The following FOXD4 variants were observed in gnomAD, a reference collection of about 807,000 sequenced individuals.
FOXD4 encodes forkhead box D4, also known as forkhead box protein D4.
In FOXD4, 22 loss-of-function variants were observed where a neutral mutation model predicts 26.5. The observed-to-expected ratio is 0.83, with a 90% CI of 0.59 to 1.18. The LOEUF is 1.18. Ranked by LOEUF, FOXD4 falls within the 50% of genes most tolerant of loss-of-function variation. FOXD4 has a pLI of 0.00. For missense variants in FOXD4, 625 were observed against 605.8 expected, an observed-to-expected ratio of 1.03 and a Z score of -0.33; for synonymous variants, 258 against 273.7, an observed-to-expected ratio of 0.94 and a Z score of 0.57.
At position 117,800 on chromosome 9, in the gene FOXD4, G is replaced by A; in HGVS notation, c.320C>T (p.Ser107Phe). 2.0e-6 allele frequency: 3 copies of A among 1,529,478 alleles called. No homozygotes were observed. Among genetic ancestry groups the A allele is most frequent in the Non-Finnish European group, 1.8e-6 (2 of 1,137,206 alleles). The allele number at this position is 1,529,478 out of a possible 1,614,324, so 94.7% of individuals were successfully genotyped here. A position where few individuals can be genotyped will look rare whatever the true frequency, so the allele number is the denominator to read the frequency against. ...EDARQPAKPP[S>F]SYIALITMAI... Reference sequence around the variant, plus strand: ...CATGGTGATGAGCGCGATGTACGAGGAGGGGGGCTTTGCCGGCTGCCGGGC... The same window carrying A: ...CATGGTGATGAGCGCGATGTACGAGAAGGGGGGCTTTGCCGGCTGCCGGGC... The change falls in exon 1 of 1, where the codon TCC (serine) becomes TTC (phenylalanine). Residue 107 changes from serine (S) to phenylalanine (F), a missense_variant. Physicochemically the swap from Ser to Phe is radical, Grantham distance 155. Coordinates refer to ENST00000382500, the MANE Select transcript of FOXD4 (RefSeq NM_207305.5).
chr9:117,644 T>G lies in FOXD4; in HGVS notation c.476A>C (p.Asn159Thr). Residue 159 changes from asparagine (N) to threonine (T), a missense_variant, in exon 1 of 1, where the codon AAC (asparagine) becomes ACC (threonine). Physicochemically the swap from Asn to Thr is moderately conservative, Grantham distance 65. Transcript: ENST00000382500. ...GCGGGGGATCTTGACGAAGCAGTCG[T>G]TCAGCGAGAGGTTGTGGCGGATGCT... The part of the protein sequence containing the change: ...QNSIRHNLSL[N>T]DCFVKIPREP... 1 of 1,613,850 alleles carries G rather than the reference T, an allele frequency of 6.2e-7. No homozygotes were observed. Among genetic ancestry groups the G allele is most frequent in the South Asian group, 1.1e-5 (1 of 91,062 alleles).
rs542612341 is a variant in FOXD4 at position 118,292 on chromosome 9, T to C, written c.-173A>G. ...CCTTTGCAACAACGTCCGGCAAAGA[T>C]GCCTTCGCCTTTTATAAAAGCTTCT... On this transcript the variant is annotated 5_prime_UTR_variant, in exon 1 of 1. Transcript: ENST00000382500. The C allele has an allele frequency of 5.0e-6, 7 of 1,406,550 alleles. No individual in the cohort carries two copies. In the East Asian group the frequency reaches 9.5e-5, roughly 19 times the overall value. The allele number at this position is 1,406,550 out of a possible 1,614,324, so 87.1% of individuals were successfully genotyped here.
rs1238839256 is a variant in FOXD4, at chr9:117,932, A to G, written c.188T>C (p.Val63Ala). 3.7e-6 allele frequency: 6 copies of G among 1,611,622 alleles called. No individual in the cohort carries two copies. The highest frequency in any genetic ancestry group is 5.1e-6 in the Non-Finnish European group (6 of 1,179,748). Residue 63 changes from valine (V) to alanine (A), a missense_variant, in exon 1 of 1, where the codon GTT becomes GCT. Transcript: ENST00000382500. ...PGLQVARWGG[V>A]ALPREHIEGG... Reference sequence around the variant, plus strand: ...CTCGATGTGCTCTCGGGGAAGCGCAACCCCGCCCCACCGGGCCACCTGCAG... The same window carrying G: ...CTCGATGTGCTCTCGGGGAAGCGCAGCCCCGCCCCACCGGGCCACCTGCAG...
In FOXD4 at chr9:116,379, C is replaced by T. The variant is rs1270490086; in HGVS notation, c.*421G>A. 4.1e-6 allele frequency: 1 copy of T among 243,600 alleles called. No individual in the cohort carries two copies. Among genetic ancestry groups the T allele is most frequent in the East Asian group, 7.8e-5 (1 of 12,812 alleles). 15.1% of individuals were successfully genotyped at this position (243,600 alleles called of 1,614,324 possible). A position where few individuals can be genotyped will look rare whatever the true frequency, so the allele number is the denominator to read the frequency against. On this transcript the variant is annotated 3_prime_UTR_variant, in exon 1 of 1. Coordinates refer to ENST00000382500, the MANE Select transcript of FOXD4 (RefSeq NM_207305.5). ...TCCTACTTACATTAAACATCCCTAT[C>T]AGGAAGACACAGAGAGTAGAAGCAT...
chr9:116,864 G>A lies in FOXD4; in HGVS notation c.1256C>T (p.Thr419Ile). ...SLAAPLGGEG[T>I]SPVFLVSPTP... is the part of the protein sequence containing the mutation. Reference sequence around the variant, plus strand: ...GGGCGATACTAAAAAAACTGGTGAGGTCCCCTCTCCGCCCAAAGGGGCGGC... The same window carrying A: ...GGGCGATACTAAAAAAACTGGTGAGATCCCCTCTCCGCCCAAAGGGGCGGC... The change falls in exon 1 of 1, where the codon ACC becomes ATC. Residue 419 changes from threonine (T) to isoleucine (I), a missense_variant. Physicochemically the swap from Thr to Ile is moderately conservative, Grantham distance 89. Around this residue, in one of 3 missense-constraint regions of FOXD4, gnomAD observed 134 missense variants for 132.2 expected, o/e 1.01. Coordinates refer to ENST00000382500, the MANE Select transcript of FOXD4 (RefSeq NM_207305.5). The A allele has an allele frequency of 1.2e-6, 2 of 1,609,756 alleles. No individual in the cohort carries two copies. The highest frequency in any genetic ancestry group is 1.7e-6 in the Non-Finnish European group (2 of 1,178,560).
In FOXD4 at chr9:116,990, C is replaced by T. The variant is rs780221713; in HGVS notation, c.1130G>A (p.Cys377Tyr). The T allele has an allele frequency of 1.2e-6, 2 of 1,612,012 alleles. No homozygotes were observed. The highest frequency in any genetic ancestry group is 4.5e-5 in the East Asian group (2 of 44,888). Residue 377 changes from cysteine to tyrosine, a missense_variant, in exon 1 of 1, where the codon TGC (cysteine) becomes TAC (tyrosine). Cys to Tyr is a radical substitution (Grantham distance 194). Coordinates refer to ENST00000382500, the MANE Select transcript of FOXD4 (RefSeq NM_207305.5). ...CAGCACCGCGCCCTTGGTGGGAGCG[C>T]AGCCGTTGGCGCAGTCCTCCTCCTG... ...RHQEEDCANG[C>Y]APTKGAVLGG... is the part of the protein sequence containing the mutation.
In FOXD4 at chr9:117,667, G is replaced by T. The variant is rs759628782; in HGVS notation, c.453C>A (p.Ser151Arg). 1.9e-6 allele frequency: 3 copies of T among 1,613,338 alleles called. No individual in the cohort carries two copies. Among genetic ancestry groups the T allele is most frequent in the Non-Finnish European group, 2.5e-6 (3 of 1,179,900 alleles). The change falls in exon 1 of 1, where the codon AGC becomes AGA. Residue 151 changes from serine to arginine, a missense_variant. Ser to Arg is a moderately radical substitution (Grantham distance 110). This residue lies in a region of FOXD4 where 399 missense variants were observed against 329.4 expected (regional missense o/e 1.21). Coordinates refer to ENST00000382500, the MANE Select transcript of FOXD4 (RefSeq NM_207305.5). ...CGTTCAGCGAGAGGTTGTGGCGGAT[G>T]CTGTTCTGCCAGGCGGGGAACTTGC... is the stretch of plus-strand genomic sequence containing the variant. ...YRRKFPAWQN[S>R]IRHNLSLNDC...
chr9:118,082 G>A lies in FOXD4; in HGVS notation c.38C>T (p.Pro13Leu). Reference protein sequence around the residue: ...LPRAERLRSTPQRSLRDSDGE... With the variant: ...LPRAERLRSTLQRSLRDSDGE... Reference sequence around the variant, plus strand: ...ATCGGAGTCCCGGAGGCTGCGCTGCGGTGTGGAGCGAAGGCGCTCAGCTCT... The same window carrying A: ...ATCGGAGTCCCGGAGGCTGCGCTGCAGTGTGGAGCGAAGGCGCTCAGCTCT... The change falls in exon 1 of 1, where the codon CCG becomes CTG. Residue 13 changes from proline to leucine, a missense_variant. By Grantham distance (98) the Pro-to-Leu change is moderately conservative. Transcript: ENST00000382500. The A allele has an allele frequency of 1.2e-6, 2 of 1,612,010 alleles. No individual in the cohort carries two copies. The highest frequency in any genetic ancestry group is 1.7e-6 in the Non-Finnish European group (2 of 1,179,852).
Position 117,162 on chromosome 9 carries a change from G to C in FOXD4, c.958C>G (p.Leu320Val). The part of the protein sequence containing the change: ...WRRHREADAS[L>V]SALRVSCKGS... ...TTGCATGATACTCTCAATGCTGAAA[G>C]AGATGCATCCGCCTCCCGGTGGCGA... The change falls in exon 1 of 1, where the codon CTT becomes GTT. Residue 320 changes from leucine to valine, a missense_variant. Around this residue, in one of 3 missense-constraint regions of FOXD4, gnomAD observed 92 missense variants for 144.2 expected, o/e 0.64. Transcript: ENST00000382500. 6.2e-7 allele frequency: 1 copy of C among 1,611,656 alleles called. No homozygotes were observed. Among genetic ancestry groups the C allele is most frequent in the Non-Finnish European group, 8.5e-7 (1 of 1,179,828 alleles).
rs913676932 is a variant in FOXD4 at position 117,097 on chromosome 9, A to G, written c.1023T>C (p.Cys341=). 4 of 1,611,962 alleles carry G rather than the reference A, an allele frequency of 2.5e-6. No individual in the cohort carries two copies. Among genetic ancestry groups the G allele is most frequent in the Non-Finnish European group, 3.4e-6 (4 of 1,179,850 alleles). ...GERVQGLRRV[C]PRPRGATAPC... The stretch of plus-strand genomic sequence containing the variant: ...GGGCAGTAGCTCCACGCGGTCGGGG[A>G]CAAACTCTGCGCAGCCCCTGTACCC... The change falls in exon 1 of 1, where the codon TGT becomes TGC. Residue 341 remains cysteine (C), a synonymous_variant. Transcript: ENST00000382500.
chr9:117,760 G>T lies in FOXD4; in HGVS notation c.360C>A (p.Ser120Arg), dbSNP rs150615606. Reference sequence around the variant, plus strand: ...CGCTGAGCGTGAGGCGCTTGTGCGGGCTTTGCAGGATGGCCATGGTGATGA... The same window carrying T: ...CGCTGAGCGTGAGGCGCTTGTGCGGTCTTTGCAGGATGGCCATGGTGATGA... ...IALITMAILQ[S>R]PHKRLTLSGI... The change falls in exon 1 of 1, where the codon AGC becomes AGA. Residue 120 changes from serine to arginine, a missense_variant. Ser to Arg is a moderately radical substitution (Grantham distance 110). This residue lies in a region of FOXD4 where 399 missense variants were observed against 329.4 expected (regional missense o/e 1.21). Coordinates refer to ENST00000382500, the MANE Select transcript of FOXD4 (RefSeq NM_207305.5). The T allele has an allele frequency of 1.2e-6, 2 of 1,613,304 alleles. No homozygotes were observed. Among genetic ancestry groups the T allele is most frequent in the Non-Finnish European group, 1.7e-6 (2 of 1,180,008 alleles).
Position 116,626 on chromosome 9 carries a change from A to C in FOXD4, c.*174T>G. The C allele has an allele frequency of 8.9e-7, 1 of 1,117,684 alleles. No individual in the cohort carries two copies. The highest frequency in any genetic ancestry group is 1.3e-6 in the Non-Finnish European group (1 of 787,114). 69.2% of individuals were successfully genotyped at this position (1,117,684 alleles called of 1,614,324 possible). On this transcript the variant is annotated 3_prime_UTR_variant, in exon 1 of 1. Transcript: ENST00000382500. ...GAAAAGATGACTTGACGCCCTGCGA[A>C]GGTTACGTTCAGGTGGTTTTTAGAG...
At position 116,818 on chromosome 9, in the gene FOXD4, C is replaced by G. The variant is rs1418934654; in HGVS notation, c.1302G>C (p.Glu434Asp). Reference protein sequence around the residue: ...LVSPTPSSLAESAGPS With the variant: ...LVSPTPSSLADSAGPS ...CCTGGCTCTAGGAGGGCCCTGCGGA[C>G]TCGGCCAGGGAACTGGGCGTGGGCG... Residue 434 changes from glutamate (E) to aspartate (D), a missense_variant, in exon 1 of 1, where the codon GAG (glutamate) becomes GAC (aspartate). Transcript: ENST00000382500. The G allele has an allele frequency of 6.2e-7, 1 of 1,601,752 alleles. No homozygotes were observed. Among genetic ancestry groups the G allele is most frequent in the East Asian group, 2.2e-5 (1 of 44,776 alleles).
chr9:118,207 G>C lies in FOXD4; in HGVS notation c.-88C>G, dbSNP rs1819428014. ...GAGCTGGAAGCCCGGGATGAATGTTGCAAGAAGCAGGAACGCTAGTGGTTA... is the reference window on the plus strand; with the variant it reads ...GAGCTGGAAGCCCGGGATGAATGTTCCAAGAAGCAGGAACGCTAGTGGTTA... On this transcript the variant is annotated 5_prime_UTR_variant, in exon 1 of 1. Coordinates refer to ENST00000382500, the MANE Select transcript of FOXD4 (RefSeq NM_207305.5). The C allele has an allele frequency of 1.9e-6, 3 of 1,609,704 alleles. No homozygotes were observed. Among genetic ancestry groups the C allele is most frequent in the Non-Finnish European group, 8.5e-7 (1 of 1,178,862 alleles).
Position 117,747 on chromosome 9 carries a change from G to C in FOXD4, c.373C>G (p.Leu125Val). 6.2e-7 allele frequency: 1 copy of C among 1,613,282 alleles called. No individual in the cohort carries two copies. Among genetic ancestry groups the C allele is most frequent in the East Asian group, 2.2e-5 (1 of 44,860 alleles). ...AAGGCGCAGATGCCGCTGAGCGTGA[G>C]GCGCTTGTGCGGGCTTTGCAGGATG... ...MAILQSPHKR[L>V]TLSGICAFIS... The change falls in exon 1 of 1, where the codon CTC (leucine) becomes GTC (valine). Residue 125 changes from leucine (L) to valine (V), a missense_variant. Transcript: ENST00000382500.
chr9:117,481 G>T lies in FOXD4; in HGVS notation c.639C>A (p.His213Gln). Residue 213 changes from histidine (H) to glutamine (Q), a missense_variant, in exon 1 of 1, where the codon CAC (histidine) becomes CAA (glutamine). By Grantham distance (24) the His-to-Gln change is conservative. Coordinates refer to ENST00000382500, the MANE Select transcript of FOXD4 (RefSeq NM_207305.5). ...CGTGTGCAGCAGGTAGAGGGAAGGG[G>T]TGGGGCAGGTGGGCTCCCGGGGTCG... ...HQPTPGAHLP[H>Q]PFPLPAAHAA... is the part of the protein sequence containing the mutation. 6.2e-7 allele frequency: 1 copy of T among 1,608,800 alleles called. No homozygotes were observed. The highest frequency in any genetic ancestry group is 1.3e-5 in the African/African-American group (1 of 74,918).
rs370647874 is a variant in FOXD4, at chr9:116,938, C to T, written c.1182G>A (p.Ala394=). Residue 394 remains alanine (A), a synonymous_variant, in exon 1 of 1, where the codon GCG becomes GCA. Transcript: ENST00000382500. ...CTGCCACCGCCTGATACCGCAGCAG[C>T]GCCGACGCGGCCGACAGGTGCCCGC... ...VLGGHLSAAS[A]LLRYQAVAEG... 43 of 1,611,172 alleles carry T rather than the reference C, an allele frequency of 2.7e-5. No individual in the cohort carries two copies. Among genetic ancestry groups the T allele is most frequent in the Non-Finnish European group, 3.3e-5 (39 of 1,179,416 alleles).
rs1587380035 is a variant in FOXD4, at chr9:118,158, C to A, written c.-39G>T. 9 of 1,514,108 alleles carry A rather than the reference C, an allele frequency of 5.9e-6. No individual in the cohort carries two copies. The Middle Eastern group carries it at 9.5e-4, about 160-fold the overall frequency. 93.8% of individuals were successfully genotyped at this position (1,514,108 alleles called of 1,614,324 possible). A position where few individuals can be genotyped will look rare whatever the true frequency, so the allele number is the denominator to read the frequency against. ...CTTCAGTCGCAGGGGATGTGGCGGC[C>A]GGATCACCTGGCCCCGGCGGGCTGA... On this transcript the variant is annotated 5_prime_UTR_variant, in exon 1 of 1. Transcript: ENST00000382500.
chr9:118,184 G>A lies in FOXD4; in HGVS notation c.-65C>T. On this transcript the variant is annotated 5_prime_UTR_variant, in exon 1 of 1. Coordinates refer to ENST00000382500, the MANE Select transcript of FOXD4 (RefSeq NM_207305.5). ...GGATCACCTGGCCCCGGCGGGCTGA[G>A]CTGGAAGCCCGGGATGAATGTTGCA... The A allele has an allele frequency of 2.5e-6, 4 of 1,611,048 alleles. No homozygotes were observed. Among genetic ancestry groups the A allele is most frequent in the Non-Finnish European group, 3.4e-6 (4 of 1,179,532 alleles).
Sources: allele counts gnomAD v4.1 joint callset, GRCh38; gene constraint gnomAD v4.1.1; regional missense constraint gnomAD v4.1.1; transcripts MANE v1.5; gene names NCBI Gene and HGNC (gene_info 2026-07-23, HGNC 2026-07-21).